The following TCF12 variants were observed in gnomAD, a reference collection of about 807,000 sequenced individuals.
TCF12 encodes transcription factor 12.
TCF12 carries 45 observed loss-of-function variants against 86.0 expected under a neutral mutation model. That is an observed-to-expected ratio of 0.52 (90% CI 0.41 to 0.67). The LOEUF (loss-of-function observed/expected upper bound fraction) is 0.67, where lower values mean the gene tolerates loss of function less well. Among genes scored for constraint, TCF12 ranks in the 30% least tolerant of loss-of-function variants. TCF12 has a pLI of 0.00. For synonymous variants in TCF12, 330 were observed against 299.6 expected (o/e 1.10, Z -1.05); for missense variants, 881 against 859.9 (o/e 1.02, Z -0.31).
chr15:57,282,667 C>T, intron 20 of TCF12, 69 bp downstream of exon 20: 1 of 1,537,564 alleles, frequency 6.5e-7, no homozygotes, highest in South Asian at 1.2e-5. Flanking sequence ...GGGTTAGAAT[C>T]TTTGAACAGA....
intron 5 of TCF12, among the ~76,000 whole-genome samples, chr15:57,097,411 C>G (rs2049402008): frequency 6.6e-6 from 1 of 151,918 alleles, no homozygotes; most frequent in Admixed American, 6.6e-5. Flanking sequence ...TGCCTATGGT[C>G]CCACCTACCT....
intron 5 of TCF12, among the ~76,000 whole-genome samples, chr15:57,124,339 C>T (rs574099343): frequency 1.1e-4 from 16 of 152,202 alleles, no homozygotes; most frequent in African/African-American, 3.6e-4. Context: ...TTAAATAGTA[C>T]AGCTATGACA....
At chr15:56,958,688 T>A (rs202074399) in intron 3 of TCF12, among the ~76,000 whole-genome samples, 27,184 of 84,498 alleles carry the variant, frequency 0.32, 2,946 homozygotes, top group Non-Finnish European at 0.5. Flanking sequence ...AGTGTGTGTG[T>A]GTGTGTGTGT....
At chr15:56,995,408 G>A (rs1184591026) in intron 3 of TCF12, among the ~76,000 whole-genome samples, 12 of 151,608 alleles carry the variant, frequency 7.9e-5, no homozygotes, top group Admixed American at 7.2e-4. Context: ...AGGTAGTGTG[G>A]TCATTTTAAT....
chr15:57,200,045 C>CTTT (rs11380359), intron 8 of TCF12, among the ~76,000 whole-genome samples: 26 of 130,158 alleles, frequency 2.0e-4, no homozygotes, highest in African/African-American at 5.8e-4. Context: ...CCACGGCTGG[C>CTTT]TTTTTTTTTT....
At chr15:56,977,414 T>A (rs2062666734) in intron 3 of TCF12, among the ~76,000 whole-genome samples, 1 of 152,134 alleles carries the variant, frequency 6.6e-6, no homozygotes, top group Non-Finnish European at 1.5e-5. Context: ...GTGCCTGTAA[T>A]CCCAGCTACT....
chr15:57,131,279 A>G (rs2052096638), intron 5 of TCF12, among the ~76,000 whole-genome samples: 1 of 152,066 alleles, frequency 6.6e-6, no homozygotes, highest in African/African-American at 2.4e-5. Flanking sequence ...TGTTTTTTCC[A>G]TTTCTGGTGA....
intron 5 of TCF12, among the ~76,000 whole-genome samples, chr15:57,136,997 T>TTTTTTG (rs2052591501): frequency 1.0e-5 from 1 of 97,992 alleles, no homozygotes. Flanking sequence ...TTTTTTTTTT[T>TTTTTTG]GAGACGGAGT....
At chr15:57,003,275 G>A (rs1389856262) in intron 3 of TCF12, among the ~76,000 whole-genome samples, 1 of 152,146 alleles carries the variant, frequency 6.6e-6, no homozygotes, top group Non-Finnish European at 1.5e-5. Flanking sequence ...GGGAAATACA[G>A]GGTTAGGTAC....
chr15:56,998,538 A>T (rs1001713731), intron 3 of TCF12, among the ~76,000 whole-genome samples: 1 of 152,238 alleles, frequency 6.6e-6, no homozygotes, highest in South Asian at 2.1e-4. Context: ...GCTTTACCCA[A>T]TAATAGCAGA....
At position 56,925,633 on chromosome 15, in the gene TCF12, A is replaced by T. The variant is rs2059978640; in HGVS notation, c.148+4535A>T. ...CATTGTCTGCCTAGTGTTGTCAAAGACTTGGGTAATCTTGCTGAAAGAAAG... is the reference window on the plus strand; with the variant it reads ...CATTGTCTGCCTAGTGTTGTCAAAGTCTTGGGTAATCTTGCTGAAAGAAAG... On this transcript the variant is annotated intron_variant, in intron 3 of 20. Coordinates refer to ENST00000333725, the MANE Select transcript of TCF12 (RefSeq NM_207037.2). 2.6e-5 allele frequency among the ~76,000 whole-genome samples: 4 copies of T among 152,208 alleles called. No individual in the cohort carries two copies. In the South Asian group the frequency reaches 8.3e-4, roughly 31 times the overall value.
intron 3 of TCF12, among the ~76,000 whole-genome samples, chr15:57,055,336 G>A (rs1352691651): frequency 2.0e-5 from 3 of 152,106 alleles, no homozygotes; most frequent in Admixed American, 6.6e-5. Flanking sequence ...TGGAGGCGGC[G>A]GTTGCAGTGA....
intron 6 of TCF12, among the ~76,000 whole-genome samples, chr15:57,173,515 A>G (rs1302395313): frequency 2.0e-5 from 3 of 152,150 alleles, no homozygotes; most frequent in Non-Finnish European, 4.4e-5. Context: ...GGGAAGGAGA[A>G]GAGAACAAGA....
intron 12 of TCF12, among the ~76,000 whole-genome samples, chr15:57,236,431 A>G (rs928739110): frequency 2.6e-5 from 4 of 152,200 alleles, no homozygotes; most frequent in Non-Finnish European, 5.9e-5. Context: ...TATGTCAGGT[A>G]TTATAGATAT....
rs187106791 is a variant in TCF12, at chr15:57,067,154, G to A, written c.222+3331G>A. 8.5e-5 allele frequency among the ~76,000 whole-genome samples: 13 copies of A among 152,336 alleles called. No homozygotes were observed. In the East Asian group the frequency reaches 2.5e-3, roughly 29 times the overall value. ...CAGAAAAGTAGCCTCGCAGTTTAGA[G>A]GTGATTAAGTTTCTGGTTATCAGAA... On this transcript the variant is annotated intron_variant, in intron 4 of 20. Coordinates refer to ENST00000333725, the MANE Select transcript of TCF12 (RefSeq NM_207037.2).
chr15:57,091,790 G>T lies in TCF12; in HGVS notation c.224G>T (p.Gly75Val). ...ACTCTGATCTTTTTCTCCCCCTAGG[G>T]TTTTACAGACAGCCCTCATTACAGT... is the stretch of plus-strand genomic sequence containing the variant. ...QPSPSYDSSR[G>V]FTDSPHYSDH... Residue 75 changes from glycine to valine, a missense_variant and splice_region_variant, in exon 5 of 21, where the codon GGT becomes GTT. By Grantham distance (109) the Gly-to-Val change is moderately radical. This residue lies in a region of TCF12 where 766 missense variants were observed against 718.9 expected (regional missense o/e 1.07). Transcript: ENST00000333725. 6.2e-7 allele frequency: 1 copy of T among 1,613,242 alleles called. No individual in the cohort carries two copies. Among genetic ancestry groups the T allele is most frequent in the South Asian group, 1.1e-5 (1 of 91,020 alleles).
At chr15:57,036,872 G>A (rs916585745) in intron 3 of TCF12, among the ~76,000 whole-genome samples, 1 of 152,136 alleles carries the variant, frequency 6.6e-6, no homozygotes, top group African/African-American at 2.4e-5. Flanking sequence ...TTTAAGGGAA[G>A]CAGAGAAAAG....
At chr15:57,092,151 G>C (rs533750392) in intron 5 of TCF12, 1 of 327,270 alleles carries the variant, frequency 3.1e-6, no homozygotes, top group South Asian at 6.3e-5. Flanking sequence ...CAATGTCTTT[G>C]TGACCTCAAG....
Position 57,262,131 on chromosome 15 carries a change from G to A in TCF12, c.1505G>A (p.Gly502Asp). ...CGGGAAGACTCTGTCAGTCTCAATG[G>A]CAATCATTCAGTCCTGTCTAGTACA... ...THREDSVSLN[G>D]NHSVLSSTVT... The change falls in exon 17 of 21, where the codon GGC becomes GAC. Residue 502 changes from glycine (G) to aspartate (D), a missense_variant. Around this residue, in one of 3 missense-constraint regions of TCF12, gnomAD observed 766 missense variants for 718.9 expected, o/e 1.07. Coordinates refer to ENST00000333725, the MANE Select transcript of TCF12 (RefSeq NM_207037.2). 2 of 1,613,316 alleles carry A rather than the reference G, an allele frequency of 1.2e-6. No homozygotes were observed. The highest frequency in any genetic ancestry group is 1.7e-6 in the Non-Finnish European group (2 of 1,179,600).
Sources: allele counts gnomAD v4.1 joint callset (sites outside exome capture counted in the v4.1 genomes callset), GRCh38; gene constraint gnomAD v4.1.1; regional missense constraint gnomAD v4.1.1; transcripts MANE v1.5; gene names NCBI Gene and HGNC (gene_info 2026-07-23, HGNC 2026-07-21).